Variants in EFNA5 observed in about 807,000 individuals in gnomAD.
EFNA5 encodes the protein ephrin A5.
In EFNA5, 5 loss-of-function variants were observed where a neutral mutation model predicts 22.9. The observed-to-expected ratio is 0.22, with a 90% confidence interval of 0.11 to 0.46. The LOEUF (loss-of-function observed/expected upper bound fraction) is 0.46. EFNA5 is among the 20% of genes least tolerant of loss of function. The pLI, the probability that EFNA5 is intolerant of heterozygous loss-of-function variation, is 0.99. For missense variants in EFNA5, 237 were observed against 293.3 expected (o/e 0.81, Z 1.40); for synonymous variants, 113 against 112.2 (o/e 1.01, Z -0.04).
intron 1 of EFNA5, among the ~76,000 whole-genome samples, chr5:107,437,212 T>C (rs1749135295): frequency 6.6e-6 from 1 of 152,248 alleles, no homozygotes. Context: ...CTTTCTTTTA[T>C]GTTTTATCTT....
intron 1 of EFNA5, among the ~76,000 whole-genome samples, chr5:107,458,584 G>A (rs538927088): frequency 2.6e-5 from 4 of 151,974 alleles, no homozygotes; most frequent in South Asian, 2.1e-4. Flanking sequence ...TTTGGAAGTC[G>A]TGAGACAATA....
At chr5:107,395,960 C>T (rs540859142) in intron 2 of EFNA5, among the ~76,000 whole-genome samples, 1 of 152,112 alleles carries the variant, frequency 6.6e-6, no homozygotes, top group Non-Finnish European at 1.5e-5. Context: ...TGTGTGATAC[C>T]CTATGAGGGT....
intron 1 of EFNA5, among the ~76,000 whole-genome samples, chr5:107,460,189 T>C (rs1749797716): frequency 6.6e-6 from 1 of 152,098 alleles, no homozygotes; most frequent in Non-Finnish European, 1.5e-5. Flanking sequence ...AAGCAGAACA[T>C]ATGTAAAGGC....
intron 1 of EFNA5, among the ~76,000 whole-genome samples, chr5:107,474,084 G>C (rs1750216481): frequency 6.6e-6 from 1 of 151,506 alleles, no homozygotes; most frequent in African/African-American, 2.4e-5. Context: ...CTTGAGTTTA[G>C]CCAGTACAAT....
At chr5:107,505,520 G>A (rs1747234698) in intron 1 of EFNA5, among the ~76,000 whole-genome samples, 1 of 152,128 alleles carries the variant, frequency 6.6e-6, no homozygotes, top group African/African-American at 2.4e-5. Context: ...CCCCTAGTGA[G>A]CCAATATGAA....
intron 1 of EFNA5, among the ~76,000 whole-genome samples, chr5:107,584,935 C>A (rs1326830884): frequency 6.6e-6 from 1 of 152,124 alleles, no homozygotes; most frequent in Non-Finnish European, 1.5e-5. Context: ...AGAGTGGTCA[C>A]AACGTAGCAA....
At chr5:107,518,356 C>T (rs960858104) in intron 1 of EFNA5, among the ~76,000 whole-genome samples, 7 of 151,794 alleles carry the variant, frequency 4.6e-5, no homozygotes, top group Admixed American at 2.6e-4. Flanking sequence ...CTGGAGGTCA[C>T]TGTGATTGAC....
intron 2 of EFNA5, chr5:107,426,940 A>T: frequency 2.9e-6 from 1 of 340,580 alleles, no homozygotes; most frequent in Non-Finnish European, 5.3e-6. Flanking sequence ...TGAGCTTTGG[A>T]GAAGTCCTGG....
chr5:107,501,210 CTTAT>C (rs1747126230), intron 1 of EFNA5, among the ~76,000 whole-genome samples: 1 of 152,210 alleles, frequency 6.6e-6, no homozygotes, highest in African/African-American at 2.4e-5. Context: ...TTAAGCCTCA[CTTAT>C]AGATATTGAC....
chr5:107,544,672 C>A (rs1378725505), intron 1 of EFNA5, among the ~76,000 whole-genome samples: 1 of 152,194 alleles, frequency 6.6e-6, no homozygotes, highest in Non-Finnish European at 1.5e-5. Flanking sequence ...ACTCCCTCCT[C>A]AGTGTTCTTG....
At chr5:107,464,447 G>A (rs10491390) in intron 1 of EFNA5, among the ~76,000 whole-genome samples, 15,777 of 152,144 alleles carry the variant, frequency 0.1, 901 homozygotes, top group Middle Eastern at 0.14. Context: ...CTTCAAAATC[G>A]ATTGTTGTGT....
At position 107,591,926 on chromosome 5, in the gene EFNA5, A is replaced by ATATATTATATATT. The variant is rs1397383347; in HGVS notation, c.125+78562_125+78563insAATATATAATATA. Reference sequence around the variant, plus strand: ...TATATAATATAAAAAATATATATATAATATATAATATATATATTATATATA... The same window carrying ATATATTATATATT: ...TATATAATATAAAAAATATATATATATATATTATATATTATATATAATATATATATTATATATA... On this transcript the variant is annotated intron_variant, in intron 1 of 4. Coordinates refer to ENST00000333274, the MANE Select transcript of EFNA5 (RefSeq NM_001962.3). 1.8e-3 allele frequency among the ~76,000 whole-genome samples: 14 copies of ATATATTATATATT among 7,930 alleles called. 2 individuals carry two copies. Among genetic ancestry groups the ATATATTATATATT allele is most frequent in the African/African-American group, 0.014 (13 of 958 alleles). 5.2% of individuals were successfully genotyped at this position (7,930 alleles called of 152,430 possible).
intron 1 of EFNA5, among the ~76,000 whole-genome samples, chr5:107,545,907 A>G: frequency 6.6e-6 from 1 of 152,120 alleles, no homozygotes; most frequent in East Asian, 1.9e-4. Context: ...CTAAGAGAAA[A>G]TTTTGTCTGT....
chr5:107,601,959 A>G (rs768818430), intron 1 of EFNA5, among the ~76,000 whole-genome samples: 1 of 152,288 alleles, frequency 6.6e-6, no homozygotes, highest in Admixed American at 6.5e-5. Context: ...CTAGGAACCA[A>G]TTATTTTCCC....
intron 2 of EFNA5, among the ~76,000 whole-genome samples, chr5:107,389,520 G>C (rs1164572018): frequency 6.6e-6 from 1 of 152,186 alleles, no homozygotes; most frequent in Non-Finnish European, 1.5e-5. Flanking sequence ...TTGTGAACTT[G>C]ATTTGCTACA....
intron 2 of EFNA5, among the ~76,000 whole-genome samples, chr5:107,420,529 AAAAAAAAAAAAG>A (rs1453950439): frequency 8.6e-4 from 92 of 106,372 alleles, no homozygotes; most frequent in South Asian, 3.8e-3. Context: ...TTTTAAAAAA[AAAAAAAAAAAAG>A]AAAAAAAAAA....
At chr5:107,495,913 G>C (rs1746967612) in intron 1 of EFNA5, among the ~76,000 whole-genome samples, 1 of 152,036 alleles carries the variant, frequency 6.6e-6, no homozygotes, top group African/African-American at 2.4e-5. Flanking sequence ...AAAGGCAGGA[G>C]GCAAGCTTTA....
At chr5:107,397,933 T>G (rs1021912999) in intron 2 of EFNA5, among the ~76,000 whole-genome samples, 5 of 152,220 alleles carry the variant, frequency 3.3e-5, no homozygotes, top group Non-Finnish European at 2.9e-5. Context: ...ACGGATTATC[T>G]GCAGAAAAGT....
At chr5:107,658,021 C>A (rs1286346789) in intron 1 of EFNA5, among the ~76,000 whole-genome samples, 2 of 152,074 alleles carry the variant, frequency 1.3e-5, no homozygotes, top group Non-Finnish European at 2.9e-5. Flanking sequence ...TCTACAGGAG[C>A]AAAAGTTTCT....
Sources: allele counts gnomAD v4.1 joint callset (sites outside exome capture counted in the v4.1 genomes callset), GRCh38; gene constraint gnomAD v4.1.1; transcripts MANE v1.5; gene names NCBI Gene and HGNC (gene_info 2026-07-23, HGNC 2026-07-21).